The following SUPT3H variants were observed in gnomAD, a reference collection of about 807,000 sequenced individuals.
The protein encoded by SUPT3H is transcription initiation protein SPT3 homolog.
Under a neutral mutation model 44.3 loss-of-function variants are expected in SUPT3H, and 44 were observed. The ratio of observed to expected loss-of-function variants is 0.99; its 90% CI spans 0.78 to 1.28. The LOEUF is 1.28. Among genes scored for constraint, SUPT3H ranks in the 50% most tolerant of loss-of-function variants. SUPT3H has a pLI of 0.00. For synonymous variants in SUPT3H, 124 were observed against 125.6 expected (o/e 0.99, Z 0.09); for missense variants, 380 against 387.1 (o/e 0.98, Z 0.15).
intron 2 of SUPT3H, among the ~76,000 whole-genome samples, chr6:45,248,937 A>ATACAT (rs1426126550): frequency 6.6e-6 from 1 of 151,700 alleles, no homozygotes; most frequent in Non-Finnish European, 1.5e-5. Context: ...AAGAACTCTC[A>ATACAT]TACATTACTG....
At chr6:44,987,390 G>C (rs1045046531) in intron 6 of SUPT3H, among the ~76,000 whole-genome samples, 2 of 152,076 alleles carry the variant, frequency 1.3e-5, no homozygotes, top group Non-Finnish European at 1.5e-5. Flanking sequence ...GTAGAGATCT[G>C]AGGAAAATGA....
chr6:45,119,471 G>T (rs563447864), intron 2 of SUPT3H, among the ~76,000 whole-genome samples: 2 of 152,264 alleles, frequency 1.3e-5, no homozygotes, highest in East Asian at 3.9e-4. Context: ...CCTTCCCTAT[G>T]TTGTGAAAGT....
At chr6:45,140,733 C>A (rs1466636074) in intron 2 of SUPT3H, among the ~76,000 whole-genome samples, 3 of 152,134 alleles carry the variant, frequency 2.0e-5, no homozygotes. Flanking sequence ...ACAGAACTCT[C>A]TGCAGACATT....
intron 2 of SUPT3H, among the ~76,000 whole-genome samples, chr6:45,197,440 T>C (rs1306191925): frequency 1.3e-5 from 2 of 151,540 alleles, no homozygotes; most frequent in Non-Finnish European, 3.0e-5. Flanking sequence ...CATACATTGT[T>C]ACTAAGTGCA....
intron 10 of SUPT3H, among the ~76,000 whole-genome samples, chr6:44,920,696 C>T (rs1176760806): frequency 6.6e-6 from 1 of 152,034 alleles, no homozygotes; most frequent in African/African-American, 2.4e-5. Context: ...CTAACTGCTG[C>T]CCTAAATCAT....
intron 10 of SUPT3H, among the ~76,000 whole-genome samples, chr6:44,870,414 C>T (rs933267138): frequency 4.6e-5 from 7 of 151,806 alleles, no homozygotes; most frequent in Admixed American, 1.3e-4. Flanking sequence ...CTGGGCAACA[C>T]GGTGAAACTC....
intron 3 of SUPT3H, among the ~76,000 whole-genome samples, chr6:45,092,750 CAAAAA>C (rs71674371): frequency 3.1e-5 from 4 of 127,850 alleles, no homozygotes; most frequent in African/African-American, 9.5e-5. Flanking sequence ...GACTTCGTCT[CAAAAA>C]AAAAAAAAAA....
At chr6:45,001,690 G>A (rs2153504947) in intron 6 of SUPT3H, among the ~76,000 whole-genome samples, 1 of 152,138 alleles carries the variant, frequency 6.6e-6, no homozygotes, top group African/African-American at 2.4e-5. Flanking sequence ...ATACATGCTA[G>A]GGGAGAAGGT....
At chr6:45,299,112 A>G (rs1163172523) in intron 2 of SUPT3H, among the ~76,000 whole-genome samples, 2 of 152,038 alleles carry the variant, frequency 1.3e-5, no homozygotes, top group African/African-American at 4.8e-5. Flanking sequence ...TTGGGAGGCC[A>G]AGGCAGGTGG....
chr6:45,187,042 A>G (rs72870950), intron 2 of SUPT3H, among the ~76,000 whole-genome samples: 33,617 of 147,740 alleles, frequency 0.23, 4,465 homozygotes, highest in Non-Finnish European at 0.31. Context: ...GGCTGCGGCC[A>G]GTAGATACCT....
At chr6:45,008,556 T>C (rs1484310425) in intron 5 of SUPT3H, among the ~76,000 whole-genome samples, 1 of 152,014 alleles carries the variant, frequency 6.6e-6, no homozygotes, top group East Asian at 1.9e-4. Flanking sequence ...GGTCTTGCTT[T>C]GTTGCCCAGG....
intron 10 of SUPT3H, among the ~76,000 whole-genome samples, chr6:44,911,485 C>T (rs1381969710): frequency 6.6e-6 from 1 of 152,156 alleles, no homozygotes; most frequent in African/African-American, 2.4e-5. Flanking sequence ...TGCCAAAATT[C>T]TGGCATGTAT....
intron 9 of SUPT3H, among the ~76,000 whole-genome samples, chr6:44,937,561 G>T (rs1006431189): frequency 1.3e-5 from 2 of 151,590 alleles, no homozygotes; most frequent in African/African-American, 4.8e-5. Context: ...CAGTGTACAT[G>T]AGTTCCCTTT....
chr6:45,364,112 C>G (rs919793283), intron 2 of SUPT3H, among the ~76,000 whole-genome samples: 2 of 91,004 alleles, frequency 2.2e-5, no homozygotes, highest in Admixed American at 1.2e-4. Context: ...GAGACTCTGT[C>G]TCAAAAAAAA....
At chr6:45,213,999 T>C (rs1236051519) in intron 2 of SUPT3H, among the ~76,000 whole-genome samples, 2 of 116,920 alleles carry the variant, frequency 1.7e-5, no homozygotes, top group East Asian at 4.7e-4. Context: ...CGAAAGCCTT[T>C]TGAGATTTTG....
chr6:44,835,874 C>T (rs1769779952), intron 10 of SUPT3H, among the ~76,000 whole-genome samples: 2 of 151,996 alleles, frequency 1.3e-5, no homozygotes, highest in South Asian at 4.2e-4. Flanking sequence ...TTCAACTGCT[C>T]CCATATGTCC....
In SUPT3H at chr6:45,103,220, T is replaced by C. The variant is rs57193701; in HGVS notation, c.186+2702A>G. ...GGTTTTCCTCTAGTTAGGTATATCATTCAATGTAATATTTAGTGGAATCTG... is the reference window on the plus strand; with the variant it reads ...GGTTTTCCTCTAGTTAGGTATATCACTCAATGTAATATTTAGTGGAATCTG... On this transcript the variant is annotated intron_variant, in intron 3 of 10. Transcript: ENST00000371459. 3.3e-3 allele frequency among the ~76,000 whole-genome samples: 509 copies of C among 152,306 alleles called. 7 individuals carry two copies. The highest frequency in any genetic ancestry group is 0.012 in the African/African-American group (487 of 41,578).
chr6:44,977,912 T>A (rs1029379394), intron 6 of SUPT3H, among the ~76,000 whole-genome samples: 1 of 152,176 alleles, frequency 6.6e-6, no homozygotes, highest in East Asian at 1.9e-4. Flanking sequence ...AACCCTCAGA[T>A]TGCGCTACAT....
At chr6:44,995,420 A>G (rs894086965) in intron 6 of SUPT3H, among the ~76,000 whole-genome samples, 1 of 152,084 alleles carries the variant, frequency 6.6e-6, no homozygotes, top group African/African-American at 2.4e-5. Context: ...AGGGACAATT[A>G]AAAGGAAAAA....
Sources: gnomAD v4.1 joint callset for allele counts (sites outside exome capture counted in the v4.1 genomes callset) on GRCh38, gnomAD v4.1.1 for gene constraint, MANE v1.5 for transcripts, NCBI Gene and HGNC (gene_info 2026-07-23, HGNC 2026-07-21) for gene names.